RIN2: variants seen among roughly 807,000 people sequenced by gnomAD.
The protein encoded by RIN2 is RAB5 interacting protein 2.
In RIN2, 36 loss-of-function variants were observed where a neutral mutation model predicts 78.0. The ratio of observed to expected loss-of-function variants is 0.46; its 90% CI spans 0.35 to 0.61. The LOEUF (loss-of-function observed/expected upper bound fraction) is 0.61, where lower values mean the gene tolerates loss of function less well. Ranked by LOEUF, RIN2 falls within the 20% of genes least tolerant of loss-of-function variation. The pLI, the probability that RIN2 is intolerant of heterozygous loss-of-function variation, is 0.00. For missense variants in RIN2, 1,087 were observed against 1,159.7 expected (o/e 0.94, Z 0.91); for synonymous variants, 466 against 466.8 (o/e 1.00, Z 0.02).
At chr20:19,810,252 A>C in intron 2 of RIN2, among the ~76,000 whole-genome samples, 1 of 151,912 alleles carries the variant, frequency 6.6e-6, no homozygotes, top group East Asian at 1.9e-4. Context: ...TACAAAAAAA[A>C]AAAAAAAAAG....
chr20:19,924,029 ATACCCCCACCTTCCT>A (rs1488345300), intron 3 of RIN2, among the ~76,000 whole-genome samples: 3 of 61,418 alleles, frequency 4.9e-5, no homozygotes, highest in East Asian at 5.7e-4. Context: ...CCCACCTTCC[ATACCCCCACCTTCCT>A]TACCCCCACC....
chr20:19,907,904 G>A (rs977000687), intron 3 of RIN2, among the ~76,000 whole-genome samples: 5 of 152,116 alleles, frequency 3.3e-5, no homozygotes, highest in African/African-American at 9.7e-5. Context: ...CTGTAAGGTG[G>A]GATTAATAAA....
At chr20:19,924,013 C>T (rs1190343145) in intron 3 of RIN2, among the ~76,000 whole-genome samples, 1 of 124,836 alleles carries the variant, frequency 8.0e-6, no homozygotes, top group African/African-American at 3.0e-5. Context: ...CCCCCACCTT[C>T]GTATCCCCAC....
chr20:19,801,577 T>C (rs1009668787), intron 2 of RIN2, among the ~76,000 whole-genome samples: 11 of 152,202 alleles, frequency 7.2e-5, no homozygotes, highest in Admixed American at 3.9e-4. Context: ...CGCCTCGGCC[T>C]CCCAAAGTGC....
At chr20:19,999,317 C>T (rs1015435974) in intron 12 of RIN2, among the ~76,000 whole-genome samples, 1 of 152,140 alleles carries the variant, frequency 6.6e-6, no homozygotes, top group Non-Finnish European at 1.5e-5. Context: ...TCAATCTGGG[C>T]ACCTCCCACT....
intron 2 of RIN2, among the ~76,000 whole-genome samples, chr20:19,858,865 A>G (rs1163714101): frequency 6.6e-6 from 1 of 152,192 alleles, no homozygotes; most frequent in Non-Finnish European, 1.5e-5. Flanking sequence ...TGAGCTGACC[A>G]TGTAGTGGAG....
rs182541868 is a variant in RIN2, at chr20:19,937,022, A to G, written c.158+1823A>G. 5.4e-3 allele frequency among the ~76,000 whole-genome samples: 828 copies of G among 152,358 alleles called. 5 individuals carry two copies. Among genetic ancestry groups the G allele is most frequent in the Non-Finnish European group, 8.2e-3 (559 of 68,028 alleles). On this transcript the variant is annotated intron_variant, in intron 4 of 12. Transcript: ENST00000255006. ...CTTACGGAATCTTCCTAGCACTTCC[A>G]GGAGGGAAAGCTCTTTAGGGCCTGC...
At chr20:19,851,042 GAAGGAAGGAGAAAGA>G (rs1568815031) in intron 2 of RIN2, among the ~76,000 whole-genome samples, 8 of 74,444 alleles carry the variant, frequency 1.1e-4, no homozygotes, top group South Asian at 4.4e-4. Context: ...AGGAAGGAAG[GAAGGAAGGAGAAAGA>G]AAGGAAGGAA....
At chr20:19,882,382 ATAAAAT>A (rs1275292881) in intron 2 of RIN2, among the ~76,000 whole-genome samples, 1 of 152,254 alleles carries the variant, frequency 6.6e-6, no homozygotes, top group Admixed American at 6.5e-5. Context: ...ACTATTTTCT[ATAAAAT>A]TAAAATTAAA....
rs145207905 is a variant in RIN2 at position 19,766,408 on chromosome 20, T to C, written c.-163+8081T>C. Among the ~76,000 whole-genome samples, 270 of 152,074 alleles carry C rather than the reference T, an allele frequency of 1.8e-3. 1 individual carries two copies. Among genetic ancestry groups the C allele is most frequent in the African/African-American group, 6.3e-3 (260 of 41,468 alleles). ...TGGGACGTTGGGATCAGAGGTAGAGTCATTTCAAAGAACAGGGCTAGGAAA... is the reference window on the plus strand; with the variant it reads ...TGGGACGTTGGGATCAGAGGTAGAGCCATTTCAAAGAACAGGGCTAGGAAA... On this transcript the variant is annotated intron_variant, in intron 1 of 12. Transcript: ENST00000255006.
At chr20:19,770,884 C>T (rs989872627) in intron 1 of RIN2, among the ~76,000 whole-genome samples, 2 of 136,368 alleles carry the variant, frequency 1.5e-5, no homozygotes, top group Non-Finnish European at 3.2e-5. Flanking sequence ...CCCCCCCCCC[C>T]CACCTTCCCA....
At chr20:19,980,554 G>T (rs2042415717) in intron 9 of RIN2, among the ~76,000 whole-genome samples, 1 of 152,102 alleles carries the variant, frequency 6.6e-6, no homozygotes, top group African/African-American at 2.4e-5. Context: ...AGTATTTTTT[G>T]ACCATATTCC....
rs184097584 is a variant in RIN2 at position 19,910,676 on chromosome 20, C to T, written c.57+21018C>T. Among the ~76,000 whole-genome samples the T allele has an allele frequency of 8.5e-3, 1,275 of 150,414 alleles. 11 individuals carry two copies. Among genetic ancestry groups the T allele is most frequent in the Non-Finnish European group, 0.01 (690 of 67,816 alleles). The stretch of plus-strand genomic sequence containing the variant: ...CTCTGTCTCCTGGGTTCAAGTAATT[C>T]TCCTGCCATAGCCTCCCACAGAGCT... On this transcript the variant is annotated intron_variant, in intron 3 of 12. Coordinates refer to ENST00000255006, the MANE Select transcript of RIN2 (RefSeq NM_018993.4).
At chr20:19,873,417 T>C (rs949780872) in intron 2 of RIN2, among the ~76,000 whole-genome samples, 5 of 152,206 alleles carry the variant, frequency 3.3e-5, no homozygotes, top group Non-Finnish European at 5.9e-5. Flanking sequence ...TGCACCACCA[T>C]GTCCAACCAT....
At chr20:19,934,978 A>G (rs1337771792) in intron 3 of RIN2, 121 bp from the exon 4 acceptor site, 2 of 664,260 alleles carry the variant, frequency 3.0e-6, no homozygotes, top group East Asian at 2.9e-5. Flanking sequence ...AAAAAAAAAA[A>G]AAAAGAAATA....
intron 3 of RIN2, chr20:19,934,680 A>G: frequency 1.1e-6 from 1 of 886,042 alleles, no homozygotes; most frequent in African/African-American, 1.8e-5. Flanking sequence ...TCATTGTATG[A>G]ATTTCAGTCC....
chr20:19,856,624 A>AAG (rs2037177614), intron 2 of RIN2, among the ~76,000 whole-genome samples: 1 of 149,282 alleles, frequency 6.7e-6, no homozygotes, highest in African/African-American at 2.5e-5. Flanking sequence ...AAGGAAGGAA[A>AAG]GAAGGAAGGA....
chr20:19,892,309 C>G (rs1364023828), intron 3 of RIN2, among the ~76,000 whole-genome samples: 2 of 152,116 alleles, frequency 1.3e-5, no homozygotes, highest in Non-Finnish European at 2.9e-5. Flanking sequence ...CTCTGCCTCC[C>G]GGGTTCAAGC....
intron 1 of RIN2, among the ~76,000 whole-genome samples, chr20:19,762,586 C>T (rs1199720509): frequency 6.6e-6 from 1 of 151,932 alleles, no homozygotes; most frequent in Non-Finnish European, 1.5e-5. Flanking sequence ...AAAAATGGAC[C>T]TATCAGATGG....
Sources: allele counts gnomAD v4.1 joint callset (sites outside exome capture counted in the v4.1 genomes callset), GRCh38; gene constraint gnomAD v4.1.1; transcripts MANE v1.5; gene names NCBI Gene and HGNC (gene_info 2026-07-23, HGNC 2026-07-21).